Variants in NUDT3 observed in about 807,000 individuals in gnomAD.
NUDT3 encodes the protein nudix hydrolase 3, also known as diphosphoinositol polyphosphate phosphohydrolase 1.
NUDT3 carries 9 observed loss-of-function variants against 23.6 expected under a neutral mutation model. That is an observed-to-expected ratio of 0.38 (90% CI 0.23 to 0.66). The LOEUF is 0.66. Among genes scored for constraint, NUDT3 ranks in the 30% least tolerant of loss-of-function variants. The probability of loss-of-function intolerance (pLI) is 0.52; values close to 1 mark genes in which losing one functional copy is unlikely to be tolerated. For missense variants in NUDT3, 172 were observed against 218.5 expected, an observed-to-expected ratio of 0.79 and a Z score of 1.34; for synonymous variants, 86 against 82.6, an observed-to-expected ratio of 1.04 and a Z score of -0.22.
intron 2 of NUDT3, among the ~76,000 whole-genome samples, chr6:34,318,288 G>C (rs927287292): frequency 2.0e-5 from 3 of 152,154 alleles, no homozygotes; most frequent in African/African-American, 7.2e-5. Flanking sequence ...CTCTGGAAAA[G>C]ATGATGGGGT....
chr6:34,382,758 G>A (rs541346182), intron 1 of NUDT3, among the ~76,000 whole-genome samples: 83 of 151,900 alleles, frequency 5.5e-4, no homozygotes, highest in Admixed American at 9.8e-4. Flanking sequence ...TTGAGCTCAG[G>A]AGGTCAAGGC....
At chr6:34,390,707 ATTATAC>A (rs908508220) in intron 1 of NUDT3, among the ~76,000 whole-genome samples, 13 of 152,096 alleles carry the variant, frequency 8.5e-5, no homozygotes, top group East Asian at 1.9e-4. Context: ...GTACAACTAA[ATTATAC>A]TTATAATTGG....
At chr6:34,380,766 A>G (rs1230754597) in intron 1 of NUDT3, among the ~76,000 whole-genome samples, 1 of 152,174 alleles carries the variant, frequency 6.6e-6, no homozygotes, top group African/African-American at 2.4e-5. Context: ...CAGGCAGGGA[A>G]TAACAGCTTT....
intron 4 of NUDT3, among the ~76,000 whole-genome samples, chr6:34,289,714 A>G (rs1307430663): frequency 1.3e-5 from 2 of 152,204 alleles, no homozygotes; most frequent in Non-Finnish European, 2.9e-5. Context: ...AATAATCTCA[A>G]TACAATCACA....
rs569759716 is a variant in NUDT3 at position 34,299,762 on chromosome 6, C to T, written c.211-4077G>A. On this transcript the variant is annotated intron_variant, in intron 2 of 4. Transcript: ENST00000607016. ...CTCTACTAAAAACACAAAAATTACC[C>T]GGGCGTGGTGGGTGCCCATAATCCC... 1.6e-4 allele frequency among the ~76,000 whole-genome samples: 25 copies of T among 151,698 alleles called. No individual in the cohort carries two copies. The East Asian group carries it at 2.3e-3, about 14-fold the overall frequency.
intron 2 of NUDT3, among the ~76,000 whole-genome samples, chr6:34,321,793 A>C (rs1763946343): frequency 6.6e-6 from 1 of 152,198 alleles, no homozygotes; most frequent in Non-Finnish European, 1.5e-5. Context: ...GCAACTCACC[A>C]AAAATATTTA....
At chr6:34,371,744 ATTG>A (rs553090250) in intron 1 of NUDT3, among the ~76,000 whole-genome samples, 133 of 152,174 alleles carry the variant, frequency 8.7e-4, no homozygotes, top group African/African-American at 3.1e-3. Flanking sequence ...TTTTTTTATT[ATTG>A]TTATTTTTTA....
chr6:34,320,295 G>A (rs1763921332), intron 2 of NUDT3, among the ~76,000 whole-genome samples: 1 of 151,858 alleles, frequency 6.6e-6, no homozygotes, highest in African/African-American at 2.4e-5. Flanking sequence ...CTGTGATCTC[G>A]GCTCACTGCA....
In NUDT3 at chr6:34,322,638, T is replaced by G. The variant is rs765074555; in HGVS notation, c.210+19224A>C. Among the ~76,000 whole-genome samples, 5 of 152,336 alleles carry G rather than the reference T, an allele frequency of 3.3e-5. No individual in the cohort carries two copies. In the East Asian group the frequency reaches 5.8e-4, roughly 18 times the overall value. On this transcript the variant is annotated intron_variant, in intron 2 of 4. Transcript: ENST00000607016. ...AAAAGACATACAAGCAACAGTAATGTGTGAACCTAGGTTAAGGCCTAGTGA... is the reference window on the plus strand; with the variant it reads ...AAAAGACATACAAGCAACAGTAATGGGTGAACCTAGGTTAAGGCCTAGTGA...
chr6:34,321,982 C>A (rs978470360), intron 2 of NUDT3, among the ~76,000 whole-genome samples: 2 of 152,142 alleles, frequency 1.3e-5, no homozygotes, highest in Admixed American at 6.6e-5. Context: ...TGAAGCAGAA[C>A]TATCCCATAG....
chr6:34,306,867 G>A (rs1055350276), intron 2 of NUDT3, among the ~76,000 whole-genome samples: 11 of 152,310 alleles, frequency 7.2e-5, no homozygotes, highest in African/African-American at 2.6e-4. Context: ...CTAAAAGTGT[G>A]CTAACAGCAA....
chr6:34,377,792 C>T lies in NUDT3; in HGVS notation c.99+14472G>A, dbSNP rs78499608. ...AGGTGGCAGTGAGCCAAGATCACAC[C>T]ACTGCACTCCAGCCTGGGTGACAGA... On this transcript the variant is annotated intron_variant, in intron 1 of 4. Coordinates refer to ENST00000607016, the MANE Select transcript of NUDT3 (RefSeq NM_006703.4). 7.5e-5 allele frequency among the ~76,000 whole-genome samples: 11 copies of T among 147,496 alleles called. No individual in the cohort carries two copies. The South Asian group carries it at 2.4e-3, about 32-fold the overall frequency.
chr6:34,353,061 T>C (rs1764501840), intron 1 of NUDT3, among the ~76,000 whole-genome samples: 2 of 152,214 alleles, frequency 1.3e-5, no homozygotes, highest in South Asian at 4.1e-4. Context: ...AGCAAGCCTT[T>C]TCTCTTAACT....
chr6:34,366,126 G>A (rs1186107017), intron 1 of NUDT3, among the ~76,000 whole-genome samples: 1 of 151,246 alleles, frequency 6.6e-6, no homozygotes, highest in African/African-American at 2.4e-5. Context: ...TAGCACTTTG[G>A]GAGACCAAGG....
intron 1 of NUDT3, among the ~76,000 whole-genome samples, chr6:34,356,221 T>C (rs1043939924): frequency 2.0e-5 from 3 of 152,210 alleles, no homozygotes; most frequent in Non-Finnish European, 4.4e-5. Context: ...AGTATGCCTA[T>C]ATCAAAATAT....
chr6:34,299,146 G>A (rs1365097749), intron 2 of NUDT3, among the ~76,000 whole-genome samples: 2 of 152,184 alleles, frequency 1.3e-5, no homozygotes, highest in East Asian at 3.8e-4. Context: ...CCTGCATGCA[G>A]GTCGGGATAT....
intron 2 of NUDT3, among the ~76,000 whole-genome samples, chr6:34,321,720 C>T (rs780048607): frequency 2.6e-5 from 4 of 152,092 alleles, no homozygotes; most frequent in Non-Finnish European, 2.9e-5. Context: ...CTCACCAAGG[C>T]GCCCAGGTAC....
intron 4 of NUDT3, among the ~76,000 whole-genome samples, chr6:34,293,203 C>G (rs150683905): frequency 1.3e-3 from 196 of 152,322 alleles, no homozygotes; most frequent in African/African-American, 4.6e-3. Flanking sequence ...GCTGCGACCA[C>G]AGGCATGTGC....
Position 34,290,348 on chromosome 6 carries a change from C to T in NUDT3, c.341-1417G>A, listed in dbSNP as rs112181614. On this transcript the variant is annotated intron_variant, in intron 4 of 4. Coordinates refer to ENST00000607016, the MANE Select transcript of NUDT3 (RefSeq NM_006703.4). ...CCCGAACACGAGGGATCTTCCTGCC[C>T]CAGCCTTCCAAGTAGCTAGGACTAC... Among the ~76,000 whole-genome samples the T allele has an allele frequency of 8.4e-3, 1,259 of 150,642 alleles. 19 individuals are homozygous for T. Among genetic ancestry groups the T allele is most frequent in the African/African-American group, 0.026 (1,080 of 41,088 alleles).
Sources: gnomAD v4.1 joint callset for allele counts (sites outside exome capture counted in the v4.1 genomes callset) on GRCh38, gnomAD v4.1.1 for gene constraint, MANE v1.5 for transcripts, NCBI Gene and HGNC (gene_info 2026-07-23, HGNC 2026-07-21) for gene names.